The following PGBD2 variants were observed in gnomAD, a reference collection of about 807,000 sequenced individuals.
PGBD2 encodes piggyBac transposable element-derived protein 2.
In PGBD2, 6 loss-of-function variants were observed where a neutral mutation model predicts 8.1. The observed-to-expected ratio is 0.74, with a 90% confidence interval of 0.40 to 1.46. The LOEUF (loss-of-function observed/expected upper bound fraction) is 1.46. Ranked by LOEUF, PGBD2 falls within the 40% of genes most tolerant of loss-of-function variation. The pLI, the probability that PGBD2 is intolerant of heterozygous loss-of-function variation, is 0.02. For missense variants in PGBD2, 802 were observed against 739.0 expected (o/e 1.09, Z -0.99); for synonymous variants, 318 against 272.2 (o/e 1.17, Z -1.66).
At chr1:248,911,208 C>T (rs1263230853) in intron 1 of PGBD2, among the ~76,000 whole-genome samples, 2 of 151,370 alleles carry the variant, frequency 1.3e-5, no homozygotes, top group Non-Finnish European at 2.9e-5. Context: ...GAGGGAAGGT[C>T]AGCAGATAAA....
intron 2 of PGBD2, among the ~76,000 whole-genome samples, chr1:248,914,265 AG>A (rs1235109227): frequency 6.6e-6 from 1 of 152,196 alleles, no homozygotes; most frequent in Non-Finnish European, 1.5e-5. Flanking sequence ...GAGCTTGGGC[AG>A]TCAAGCCTGG....
Position 248,917,812 on chromosome 1 carries a change from G to T in PGBD2, c.1228G>T (p.Val410Leu), listed in dbSNP as rs189705518. Residue 410 changes from valine to leucine, a missense_variant, in exon 3 of 3, where the codon GTG (valine) becomes TTG (leucine). Coordinates refer to ENST00000329291, the MANE Select transcript of PGBD2 (RefSeq NM_170725.3). Reference sequence around the variant, plus strand: ...AGTCGATGAGAGTGAGGAGATCATCGTGTGCCGCTGGCACGATAGCAGCGT... The same window carrying T: ...AGTCGATGAGAGTGAGGAGATCATCTTGTGCCGCTGGCACGATAGCAGCGT... ...YKVDESEEII[V>L]CRWHDSSVVN... The T allele has an allele frequency of 6.2e-7, 1 of 1,614,148 alleles. No homozygotes were observed. Among genetic ancestry groups the T allele is most frequent in the Admixed American group, 1.7e-5 (1 of 60,022 alleles).
At chr1:248,881,511 T>C in the PGBD2 span, among the ~76,000 whole-genome samples, 1 of 152,250 alleles carries the variant, frequency 6.6e-6, no homozygotes, top group Admixed American at 6.5e-5. Flanking sequence ...TGGCTTGCTT[T>C]ATTTATTGGT....
chr1:248,927,495 T>C, the PGBD2 span, among the ~76,000 whole-genome samples: 3 of 152,198 alleles, frequency 2.0e-5, no homozygotes, highest in African/African-American at 7.2e-5. Flanking sequence ...AAGGGCTAAA[T>C]GTTAAATATT....
downstream of PGBD2, among the ~76,000 whole-genome samples, chr1:248,921,320 A>T (rs1376363753): frequency 1.3e-5 from 2 of 152,260 alleles, no homozygotes; most frequent in African/African-American, 4.8e-5. Context: ...TTTTTGTATA[A>T]GGTGTAAGGA....
the PGBD2 span, among the ~76,000 whole-genome samples, chr1:248,925,403 C>T: frequency 2.0e-5 from 3 of 152,206 alleles, no homozygotes. Context: ...AATGCTATTG[C>T]TGCAAAACCG....
downstream of PGBD2, among the ~76,000 whole-genome samples, chr1:248,921,382 A>G (rs967635021): frequency 5.9e-5 from 9 of 152,184 alleles, no homozygotes; most frequent in Non-Finnish European, 4.4e-5. Context: ...TCCCAACACT[A>G]TTAAATAGGG....
the PGBD2 span, among the ~76,000 whole-genome samples, chr1:248,881,223 C>T: frequency 6.9e-6 from 1 of 144,874 alleles, no homozygotes; most frequent in Non-Finnish European, 1.5e-5. Flanking sequence ...ATCTCTAGAG[C>T]TATCCTACCA....
chr1:248,885,285 C>A, the PGBD2 span, among the ~76,000 whole-genome samples: 1 of 151,530 alleles, frequency 6.6e-6, no homozygotes, highest in Non-Finnish European at 1.5e-5. Context: ...CAGGCATGAG[C>A]CACGATGTCT....
At chr1:248,906,226 T>G (rs1436194651), upstream of PGBD2, 1 of 151,582 alleles carries the variant, frequency 6.6e-6, no homozygotes, top group Non-Finnish European at 1.5e-5. Flanking sequence ...CAGCGAGCCC[T>G]CTGGTGCCGG....
the PGBD2 span, among the ~76,000 whole-genome samples, chr1:248,894,791 C>G: frequency 1.0e-4 from 15 of 145,518 alleles, no homozygotes; most frequent in East Asian, 3.0e-3. Flanking sequence ...TTTTCTCTCT[C>G]TCTCTTTCTT....
chr1:248,915,607 T>C (rs1662071574), intron 2 of PGBD2, among the ~76,000 whole-genome samples: 1 of 152,204 alleles, frequency 6.6e-6, no homozygotes, highest in Non-Finnish European at 1.5e-5. Flanking sequence ...GGATGTAACC[T>C]GATTGTAAGT....
chr1:248,905,456 G>A (rs184574023), upstream of PGBD2, among the ~76,000 whole-genome samples: 19 of 152,310 alleles, frequency 1.2e-4, no homozygotes, highest in African/African-American at 3.6e-4. Flanking sequence ...AAGAAGTAGG[G>A]GGAGATACTT....
the PGBD2 span, among the ~76,000 whole-genome samples, chr1:248,874,196 G>A: frequency 9.8e-5 from 15 of 152,290 alleles, no homozygotes; most frequent in East Asian, 2.1e-3. Context: ...TAGGAGATAC[G>A]TCACAGGATA....
chr1:248,881,700 A>G, the PGBD2 span, among the ~76,000 whole-genome samples: 1 of 152,218 alleles, frequency 6.6e-6, no homozygotes. Flanking sequence ...AAGACAGGCC[A>G]TACTGAACTA....
In PGBD2 at chr1:248,917,313, C is replaced by G; in HGVS notation, c.729C>G (p.Ala243=). 1 of 1,614,156 alleles carries G rather than the reference C, an allele frequency of 6.2e-7. No homozygotes were observed. The highest frequency in any genetic ancestry group is 2.2e-5 in the East Asian group (1 of 44,884). Residue 243 remains alanine, a synonymous_variant, in exon 3 of 3, where the codon GCC becomes GCG. Transcript: ENST00000329291. ...NNELDASDRF[A]KVRPLIIRMN... is the part of the protein sequence containing the mutation. Reference sequence around the variant, plus strand: ...AACTTGATGCAAGTGATAGGTTTGCCAAGGTCAGACCTCTCATCATCCGGA... The same window carrying G: ...AACTTGATGCAAGTGATAGGTTTGCGAAGGTCAGACCTCTCATCATCCGGA...
At chr1:248,924,516 C>A (rs1662346921), downstream of PGBD2, among the ~76,000 whole-genome samples, 1 of 152,128 alleles carries the variant, frequency 6.6e-6, no homozygotes, top group African/African-American at 2.4e-5. Flanking sequence ...AAATTAAAAT[C>A]ACTAAAAGAT....
At chr1:248,875,249 TCG>T in the PGBD2 span, among the ~76,000 whole-genome samples, 1 of 136,768 alleles carries the variant, frequency 7.3e-6, no homozygotes, top group African/African-American at 2.8e-5. Context: ...TGAGCCGAGA[TCG>T]CACCACTGCA....
At chr1:248,906,634 G>T (rs1661648890) in intron 1 of PGBD2, among the ~76,000 whole-genome samples, 1 of 145,668 alleles carries the variant, frequency 6.9e-6, no homozygotes, top group Admixed American at 6.8e-5. Flanking sequence ...TGGATTCAGG[G>T]CGGGGTGGGA....
Sources: allele counts gnomAD v4.1 joint callset (sites outside exome capture counted in the v4.1 genomes callset), GRCh38; gene constraint gnomAD v4.1.1; transcripts MANE v1.5; gene names NCBI Gene and HGNC (gene_info 2026-07-23, HGNC 2026-07-21).